ARHGAP39: variants seen among roughly 807,000 people sequenced by gnomAD.
ARHGAP39 encodes the protein Rho GTPase activating protein 39.
A neutral mutation model predicts 106.9 loss-of-function variants in ARHGAP39; 44 were observed. The observed-to-expected ratio is 0.41, with a 90% confidence interval of 0.32 to 0.53. The LOEUF (loss-of-function observed/expected upper bound fraction) is 0.53. Among genes scored for constraint, ARHGAP39 ranks in the 20% least tolerant of loss-of-function variants. The pLI is 0.21. For missense variants in ARHGAP39, 1,496 were observed against 1,577.3 expected (o/e 0.95, Z 0.87); for synonymous variants, 768 against 693.2 (o/e 1.11, Z -1.69).
rs112251861 is a variant in ARHGAP39 at position 144,619,401 on chromosome 8, C to T, written c.-81-13706G>A. Among the ~76,000 whole-genome samples, 418 of 143,480 alleles carry T rather than the reference C, an allele frequency of 2.9e-3. 4 individuals carry two copies. The highest frequency in any genetic ancestry group is 0.011 in the African/African-American group (384 of 33,802). The allele number at this position is 143,480 out of a possible 152,430, so 94.1% of individuals were successfully genotyped here. The stretch of plus-strand genomic sequence containing the variant: ...CAGAGGGAGAGTGTGTGCCCATGTG[C>T]GTGTGCGCCCGTGTGCGTGAGCCCG... On this transcript the variant is annotated intron_variant, in intron 1 of 11. Transcript: ENST00000377307.
At chr8:144,607,537 G>A (rs1820338668) in intron 1 of ARHGAP39, among the ~76,000 whole-genome samples, 1 of 152,186 alleles carries the variant, frequency 6.6e-6, no homozygotes, top group Non-Finnish European at 1.5e-5. Flanking sequence ...TCTTGCTCCC[G>A]GATGCCCCAG....
At chr8:144,614,653 C>T (rs563525878) in intron 1 of ARHGAP39, among the ~76,000 whole-genome samples, 59 of 152,234 alleles carry the variant, frequency 3.9e-4, no homozygotes, top group African/African-American at 8.9e-4. Flanking sequence ...GTGCCTGGCC[C>T]GTTACTATTC....
At chr8:144,564,825 AG>A (rs1818332250) in intron 3 of ARHGAP39, among the ~76,000 whole-genome samples, 1 of 150,358 alleles carries the variant, frequency 6.7e-6, no homozygotes, top group African/African-American at 2.4e-5. Flanking sequence ...AAAAAAAAAA[AG>A]GCCAGGCATG....
intron 1 of ARHGAP39, among the ~76,000 whole-genome samples, chr8:144,630,859 T>G (rs1821042468): frequency 6.6e-6 from 1 of 152,260 alleles, no homozygotes; most frequent in African/African-American, 2.4e-5. Flanking sequence ...TGTCTATAAA[T>G]TACCCATCTG....
rs555949212 is a variant in ARHGAP39 at position 144,646,558 on chromosome 8, G to A, written c.-82+39128C>T. 6.6e-6 allele frequency among the ~76,000 whole-genome samples: 1 copy of A among 152,346 alleles called. No homozygotes were observed. Among genetic ancestry groups the A allele is most frequent in the Non-Finnish European group, 1.5e-5 (1 of 68,034 alleles). ...CTGCCTCTGAGAACAACTGGGGTGG[G>A]CACAGGCTGGCGGGCATGGAAGCCT... On this transcript the variant is annotated intron_variant, in intron 1 of 11. Coordinates refer to ENST00000377307, the MANE Select transcript of ARHGAP39 (RefSeq NM_025251.3). The surrounding 1 kb of genome is among the most constrained non-coding windows in gnomAD (Gnocchi z 5.7).
intron 1 of ARHGAP39, among the ~76,000 whole-genome samples, chr8:144,619,445 G>T (rs980453751): frequency 6.7e-6 from 1 of 149,770 alleles, no homozygotes; most frequent in African/African-American, 2.5e-5. Flanking sequence ...TGAGACAGCA[G>T]GTATGCTCGT....
Position 144,684,820 on chromosome 8 carries a change from C to G in ARHGAP39, c.-82+866G>C, listed in dbSNP as rs1822535101. Among the ~76,000 whole-genome samples, 1 of 152,208 alleles carries G rather than the reference C, an allele frequency of 6.6e-6. No individual in the cohort carries two copies. Among genetic ancestry groups the G allele is most frequent in the South Asian group, 2.1e-4 (1 of 4,834 alleles). Reference sequence around the variant, plus strand: ...CGAGCGCCGGAGCCCCAGCCCGCGCCTGCCGCAGAGGCGAGGCCGCAGAGC... The same window carrying G: ...CGAGCGCCGGAGCCCCAGCCCGCGCGTGCCGCAGAGGCGAGGCCGCAGAGC... On this transcript the variant is annotated intron_variant, in intron 1 of 11. Transcript: ENST00000377307. This position sits in a 1 kb window ranked among gnomAD's most constrained non-coding sequence, Gnocchi z 4.4.
chr8:144,691,661 A>C, the ARHGAP39 span, among the ~76,000 whole-genome samples: 1 of 152,026 alleles, frequency 6.6e-6, no homozygotes, highest in Non-Finnish European at 1.5e-5. Context: ...TGTTTTTTTT[A>C]GGGTTGTCTT....
chr8:144,626,720 G>A (rs977346799), intron 1 of ARHGAP39, among the ~76,000 whole-genome samples: 10 of 152,204 alleles, frequency 6.6e-5, no homozygotes, highest in African/African-American at 1.9e-4. Context: ...CCCACGGCCC[G>A]TCTCCAAGAC....
chr8:144,675,805 C>G (rs1381730906), intron 1 of ARHGAP39, among the ~76,000 whole-genome samples: 1 of 145,244 alleles, frequency 6.9e-6, no homozygotes, highest in African/African-American at 2.5e-5. Context: ...TGCAGACCTT[C>G]GTGGTTAGTA....
intron 1 of ARHGAP39, among the ~76,000 whole-genome samples, chr8:144,624,076 C>A (rs1820876034): frequency 6.6e-6 from 1 of 152,204 alleles, no homozygotes; most frequent in Admixed American, 6.5e-5. Context: ...CAGAAAGAGC[C>A]CAGACCTCAC....
intron 2 of ARHGAP39, among the ~76,000 whole-genome samples, chr8:144,600,844 T>C (rs1819870831): frequency 6.6e-6 from 1 of 150,760 alleles, no homozygotes; most frequent in South Asian, 2.1e-4. Flanking sequence ...TGTGTGCTCG[T>C]GTACCTGTGT....
chr8:144,583,421 C>T (rs1205231211), intron 2 of ARHGAP39, among the ~76,000 whole-genome samples: 1 of 152,182 alleles, frequency 6.6e-6, no homozygotes, highest in Non-Finnish European at 1.5e-5. Flanking sequence ...GACAACTGCT[C>T]GGCACGTGGA....
intron 7 of ARHGAP39, among the ~76,000 whole-genome samples, chr8:144,535,221 G>A (rs545992044): frequency 1.3e-5 from 2 of 152,322 alleles, no homozygotes; most frequent in African/African-American, 4.8e-5. Flanking sequence ...CCTTGGACCA[G>A]GTTAAAAAAA....
At chr8:144,537,615 A>AAAC in intron 7 of ARHGAP39, 106 bp downstream of exon 7, 1 of 564,726 alleles carries the variant, frequency 1.8e-6, no homozygotes, top group Non-Finnish European at 3.1e-6. Flanking sequence ...TAGTGGCCCC[A>AAAC]TCCCCCCCGC....
At chr8:144,626,634 C>G (rs527431892) in intron 1 of ARHGAP39, among the ~76,000 whole-genome samples, 5 of 152,202 alleles carry the variant, frequency 3.3e-5, no homozygotes, top group Non-Finnish European at 7.3e-5. Flanking sequence ...TGCACTGCAG[C>G]AGGCCCAGCA....
chr8:144,557,810 A>G (rs942293359), intron 3 of ARHGAP39, among the ~76,000 whole-genome samples: 17 of 152,260 alleles, frequency 1.1e-4, no homozygotes, highest in African/African-American at 2.7e-4. Flanking sequence ...AAGCATACCC[A>G]TGAAAGTCAG....
chr8:144,646,432 T>C lies in ARHGAP39; in HGVS notation c.-82+39254A>G, dbSNP rs1821445696. Among the ~76,000 whole-genome samples, 1 of 151,974 alleles carries C rather than the reference T, an allele frequency of 6.6e-6. No individual in the cohort carries two copies. Among genetic ancestry groups the C allele is most frequent in the African/African-American group, 2.4e-5 (1 of 41,360 alleles). On this transcript the variant is annotated intron_variant, in intron 1 of 11. Coordinates refer to ENST00000377307, the MANE Select transcript of ARHGAP39 (RefSeq NM_025251.3). The surrounding 1 kb of genome is among the most constrained non-coding windows in gnomAD (Gnocchi z 5.7). ...GTTTTTAATCCTGTGAAAGTATCGA[T>C]AGCCAAAAAACTAAATTTTAAAAAA...
intron 1 of ARHGAP39, among the ~76,000 whole-genome samples, chr8:144,618,847 C>T (rs932463837): frequency 8.5e-5 from 13 of 152,258 alleles, no homozygotes; most frequent in African/African-American, 3.1e-4. Context: ...GTGGCGTGAG[C>T]AGGACCGCGG....
Sources: gnomAD v4.1 joint callset for allele counts (sites outside exome capture counted in the v4.1 genomes callset) on GRCh38, gnomAD v4.1.1 for gene constraint, Gnocchi (gnomAD v3.1) non-coding constraint, MANE v1.5 for transcripts, NCBI Gene and HGNC (gene_info 2026-07-23, HGNC 2026-07-21) for gene names.